The following OSBPL6 variants were observed in gnomAD, a reference collection of about 807,000 sequenced individuals.
OSBPL6 encodes the protein oxysterol-binding protein-related protein 6.
A neutral mutation model predicts 125.8 loss-of-function variants in OSBPL6; 49 were observed. The ratio of observed to expected loss-of-function variants is 0.39; its 90% confidence interval spans 0.31 to 0.49. OSBPL6 has a LOEUF of 0.49. Ranked by LOEUF, OSBPL6 falls within the 20% of genes least tolerant of loss-of-function variation. The pLI is 0.88. For missense variants in OSBPL6, 986 were observed against 1,135.4 expected (o/e 0.87, Z 1.89); for synonymous variants, 394 against 391.8 (o/e 1.01, Z -0.07).
intron 3 of OSBPL6, among the ~76,000 whole-genome samples, chr2:178,307,872 T>C (rs1175261483): frequency 6.6e-6 from 1 of 152,262 alleles, no homozygotes; most frequent in East Asian, 1.9e-4. Flanking sequence ...TGCGTTGTTA[T>C]TCTGCCTGTT....
At chr2:178,342,636 G>T (rs1055120248) in intron 11 of OSBPL6, among the ~76,000 whole-genome samples, 2 of 152,088 alleles carry the variant, frequency 1.3e-5, no homozygotes, top group African/African-American at 4.8e-5. Flanking sequence ...ATTTCTTCTT[G>T]CCTCCTAAAC....
rs149220200 is a variant in OSBPL6, at chr2:178,233,865, G to A, written c.-351+39191G>A. On this transcript the variant is annotated intron_variant, in intron 1 of 24. Transcript: ENST00000190611. ...CTGGCACATGATAATTCTTCTATAA[G>A]CACTAGTAATTATCATTAGTAATAT... Among the ~76,000 whole-genome samples the A allele has an allele frequency of 2.0e-3, 297 of 152,220 alleles. 2 individuals carry two copies. Among genetic ancestry groups the A allele is most frequent in the Middle Eastern group, 0.01 (3 of 292 alleles).
At chr2:178,341,255 G>C (rs747149643) in intron 11 of OSBPL6, among the ~76,000 whole-genome samples, 2 of 151,694 alleles carry the variant, frequency 1.3e-5, no homozygotes, top group Non-Finnish European at 2.9e-5. Context: ...TGGATAGGTT[G>C]GTTCTCAGTG....
chr2:178,368,144 T>C (rs1210538289), intron 13 of OSBPL6, among the ~76,000 whole-genome samples: 5 of 152,210 alleles, frequency 3.3e-5, no homozygotes, highest in Non-Finnish European at 7.3e-5. Flanking sequence ...TATTATTAGA[T>C]AAAAATAATT....
intron 1 of OSBPL6, among the ~76,000 whole-genome samples, chr2:178,273,511 T>G (rs890377381): frequency 6.6e-6 from 1 of 151,828 alleles, no homozygotes; most frequent in African/African-American, 2.4e-5. Flanking sequence ...GCCTGGGAGG[T>G]GGAGGCTGCA....
At chr2:178,265,056 T>A (rs2092186247) in intron 1 of OSBPL6, among the ~76,000 whole-genome samples, 1 of 151,122 alleles carries the variant, frequency 6.6e-6, no homozygotes, top group Non-Finnish European at 1.5e-5. Context: ...ACTTTTTTTT[T>A]AGAGATGAGG....
chr2:178,197,097 A>T (rs2088946886), intron 1 of OSBPL6, among the ~76,000 whole-genome samples: 1 of 150,726 alleles, frequency 6.6e-6, no homozygotes, highest in South Asian at 2.1e-4. Context: ...CACACGTGCC[A>T]GTGTTTCTCT....
At chr2:178,382,132 G>A (rs1694537401) in intron 15 of OSBPL6, among the ~76,000 whole-genome samples, 1 of 152,142 alleles carries the variant, frequency 6.6e-6, no homozygotes, top group Non-Finnish European at 1.5e-5. Flanking sequence ...GCACCAACCT[G>A]AAACATTCTT....
chr2:178,249,356 G>T (rs948772877), intron 1 of OSBPL6, among the ~76,000 whole-genome samples: 2 of 152,182 alleles, frequency 1.3e-5, no homozygotes, highest in Non-Finnish European at 2.9e-5. Context: ...ATGGCACGGT[G>T]TTTAGTAGCT....
At chr2:178,285,150 C>G (rs1684576016) in intron 2 of OSBPL6, 29 bp downstream of exon 2, 1 of 398,082 alleles carries the variant, frequency 2.5e-6, no homozygotes, top group Middle Eastern at 6.3e-4. Context: ...AGCTTAAAAC[C>G]AAAAGCAGGG....
intron 2 of OSBPL6, among the ~76,000 whole-genome samples, chr2:178,289,295 C>A (rs1253909697): frequency 6.6e-6 from 1 of 152,102 alleles, no homozygotes. Context: ...GGATTACAGG[C>A]GTGAGCTACT....
At chr2:178,232,938 AC>A (rs1292540499) in intron 1 of OSBPL6, among the ~76,000 whole-genome samples, 1 of 152,188 alleles carries the variant, frequency 6.6e-6, no homozygotes, top group Admixed American at 6.5e-5. Context: ...AACTCAGAAC[AC>A]CTGACTCTTT....
intron 1 of OSBPL6, among the ~76,000 whole-genome samples, chr2:178,260,743 A>G (rs1249489479): frequency 4.6e-5 from 7 of 152,204 alleles, no homozygotes. Context: ...CAAACTCGCT[A>G]ATATGTATCG....
At chr2:178,370,923 C>T (rs1247940054) in intron 13 of OSBPL6, among the ~76,000 whole-genome samples, 2 of 152,206 alleles carry the variant, frequency 1.3e-5, no homozygotes. Context: ...GAAGAGGCTG[C>T]TCTGTGCTCC....
chr2:178,371,809 A>G (rs965916093), intron 13 of OSBPL6, among the ~76,000 whole-genome samples: 2 of 152,204 alleles, frequency 1.3e-5, no homozygotes, highest in Admixed American at 1.3e-4. Flanking sequence ...AGTAATATAT[A>G]TGTAGTGGTA....
intron 1 of OSBPL6, among the ~76,000 whole-genome samples, chr2:178,251,925 T>C (rs761672200): frequency 1.3e-5 from 2 of 152,226 alleles, no homozygotes; most frequent in African/African-American, 2.4e-5. Context: ...CTTTCTTGTA[T>C]TTTCATGCTT....
At position 178,261,074 on chromosome 2, in the gene OSBPL6, G is replaced by C. The variant is rs570360549; in HGVS notation, c.-350-23853G>C. Among the ~76,000 whole-genome samples, 17 of 152,210 alleles carry C rather than the reference G, an allele frequency of 1.1e-4. No individual in the cohort carries two copies. In the South Asian group the frequency reaches 3.3e-3, roughly 30 times the overall value. ...TTGAACCTGGGAGGTGGAGGTTGCA[G>C]TGAGCCGAGATCACACCACTGCGCT... On this transcript the variant is annotated intron_variant, in intron 1 of 24. Coordinates refer to ENST00000190611, the MANE Select transcript of OSBPL6 (RefSeq NM_032523.4).
Position 178,311,492 on chromosome 2 carries a change from C to G in OSBPL6, c.102+5206C>G, listed in dbSNP as rs566610779. 2.6e-5 allele frequency among the ~76,000 whole-genome samples: 4 copies of G among 152,360 alleles called. No individual in the cohort carries two copies. The East Asian group carries it at 7.7e-4, about 29-fold the overall frequency. ...TATCCCCTTCCTGTATTCCCTAACA[C>G]TGAAATGTAAGCCCTATGAAAACAG... On this transcript the variant is annotated intron_variant, in intron 3 of 24. Coordinates refer to ENST00000190611, the MANE Select transcript of OSBPL6 (RefSeq NM_032523.4).
rs1695853717 is a variant in OSBPL6 at position 178,396,519 on chromosome 2, G to A, written c.*960G>A. On this transcript the variant is annotated 3_prime_UTR_variant, in exon 25 of 25. Transcript: ENST00000190611. Reference sequence around the variant, plus strand: ...AACAAAAAGCATATGGAATTCCTGTGTGGGCTTAGTAGTACTATAAATGTA... The same window carrying A: ...AACAAAAAGCATATGGAATTCCTGTATGGGCTTAGTAGTACTATAAATGTA... 6.6e-6 allele frequency: 1 copy of A among 152,222 alleles called. No homozygotes were observed. The highest frequency in any genetic ancestry group is 6.5e-5 in the Admixed American group (1 of 15,274). 9.4% of individuals were successfully genotyped at this position (152,222 alleles called of 1,614,324 possible).
Sources: gnomAD v4.1 joint callset for allele counts (sites outside exome capture counted in the v4.1 genomes callset) on GRCh38, gnomAD v4.1.1 for gene constraint, MANE v1.5 for transcripts, NCBI Gene and HGNC (gene_info 2026-07-23, HGNC 2026-07-21) for gene names.